POLR1D: variants seen among roughly 807,000 people sequenced by gnomAD.
POLR1D encodes DNA-directed RNA polymerases I and III subunit RPAC2.
POLR1D carries 8 observed loss-of-function variants against 10.8 expected under a neutral mutation model. That is an observed-to-expected ratio of 0.74 (90% CI 0.43 to 1.33). The LOEUF is 1.33. Ranked by LOEUF, POLR1D falls within the 40% of genes most tolerant of loss-of-function variation. The probability of loss-of-function intolerance (pLI) is 0.01; values close to 1 mark genes in which losing one functional copy is unlikely to be tolerated. For missense variants in POLR1D, 152 were observed against 161.7 expected (o/e 0.94, Z 0.32); for synonymous variants, 54 against 57.2 (o/e 0.94, Z 0.25).
At chr13:27,641,829 G>C (rs546488147) in intron 1 of POLR1D, among the ~76,000 whole-genome samples, 1 of 152,224 alleles carries the variant, frequency 6.6e-6, no homozygotes, top group East Asian at 1.9e-4. Context: ...TGGACAGAGG[G>C]CATAACCTGG....
At chr13:27,629,313 T>C (rs954059326) in intron 1 of POLR1D, among the ~76,000 whole-genome samples, 3 of 152,236 alleles carry the variant, frequency 2.0e-5, no homozygotes, top group African/African-American at 7.2e-5. Flanking sequence ...TTGATCTCTT[T>C]GTGCCTGAGT....
chr13:27,654,099 C>G (rs75081771), intron 2 of POLR1D, among the ~76,000 whole-genome samples: 3,101 of 152,224 alleles, frequency 0.02, 105 homozygotes, highest in African/African-American at 0.071. Flanking sequence ...TTGTAAATTG[C>G]GTGATTTTAG....
intron 1 of POLR1D, among the ~76,000 whole-genome samples, chr13:27,640,071 G>A (rs188632024): frequency 9.9e-5 from 15 of 152,156 alleles, no homozygotes; most frequent in Admixed American, 5.2e-4. Flanking sequence ...TCTATGAAAC[G>A]GTAGCTACAT....
Position 27,661,931 on chromosome 13 carries a change from C to T in POLR1D, c.102-3755C>T, listed in dbSNP as rs145564517. ...GTAGTATGTAGTAGCCTCTTGATCC[C>T]GGTGGCAATGGAGAATTGAGATAGC... is the stretch of plus-strand genomic sequence containing the variant. On this transcript the variant is annotated intron_variant, in intron 2 of 2. Coordinates refer to the POLR1D transcript ENST00000399697. Among the ~76,000 whole-genome samples the T allele has an allele frequency of 2.0e-5, 3 of 152,190 alleles. No homozygotes were observed. In the East Asian group the frequency reaches 5.8e-4, roughly 29 times the overall value.
chr13:27,644,997 T>C (rs1166961332), intron 1 of POLR1D, among the ~76,000 whole-genome samples: 1 of 152,212 alleles, frequency 6.6e-6, no homozygotes, highest in Admixed American at 6.5e-5. Context: ...GGGAAGTTGC[T>C]GACTTTCTCC....
At chr13:27,634,527 C>A (rs945582537) in intron 1 of POLR1D, among the ~76,000 whole-genome samples, 1 of 152,166 alleles carries the variant, frequency 6.6e-6, no homozygotes, top group Non-Finnish European at 1.5e-5. Flanking sequence ...GGTAGGAAAA[C>A]AAGTTTAATC....
intron 2 of POLR1D, chr13:27,650,017 A>G (rs1371943443): frequency 2.5e-6 from 1 of 398,340 alleles, no homozygotes; most frequent in Non-Finnish European, 4.4e-6. Context: ...CAATTAACTG[A>G]AATCTGTTAT....
At chr13:27,634,729 G>A (rs1016175381) in intron 1 of POLR1D, among the ~76,000 whole-genome samples, 1 of 147,900 alleles carries the variant, frequency 6.8e-6, no homozygotes, top group African/African-American at 2.5e-5. Context: ...AGGCTGGAGT[G>A]CAGTGGGGTG....
intron 1 of POLR1D, among the ~76,000 whole-genome samples, chr13:27,635,456 A>G (rs1267785639): frequency 6.6e-6 from 1 of 151,674 alleles, no homozygotes; most frequent in African/African-American, 2.4e-5. Context: ...CAGACAAGGC[A>G]GCCTCCCTAA....
intron 1 of POLR1D, among the ~76,000 whole-genome samples, chr13:27,631,199 C>T (rs1049836522): frequency 6.6e-6 from 1 of 152,194 alleles, no homozygotes; most frequent in African/African-American, 2.4e-5. Context: ...CTCAGGGTCT[C>T]TGACAAGGCT....
chr13:27,645,278 A>AT (rs1956209043), intron 1 of POLR1D, among the ~76,000 whole-genome samples: 2 of 151,660 alleles, frequency 1.3e-5, no homozygotes, highest in African/African-American at 4.8e-5. Context: ...CATTTAGTTT[A>AT]TTTTTTGCCT....
intron 2 of POLR1D, among the ~76,000 whole-genome samples, chr13:27,649,337 A>G (rs1270122578): frequency 6.6e-6 from 1 of 152,186 alleles, no homozygotes; most frequent in Non-Finnish European, 1.5e-5. Context: ...ATACCTAAAA[A>G]TCAAGCAAAA....
At chr13:27,654,612 A>T (rs1956293497) in intron 2 of POLR1D, among the ~76,000 whole-genome samples, 3 of 152,182 alleles carry the variant, frequency 2.0e-5, no homozygotes, top group Admixed American at 2.0e-4. Context: ...TCAGTCACAC[A>T]AGTACTTTTC....
chr13:27,650,296 G>T (rs1593289596), intron 2 of POLR1D: 1 of 375,558 alleles, frequency 2.7e-6, no homozygotes, highest in East Asian at 3.7e-5. Context: ...AATAGGCATG[G>T]AATATTGCCA....
downstream of POLR1D, among the ~76,000 whole-genome samples, chr13:27,625,481 T>C (rs1955999626): frequency 6.6e-6 from 1 of 152,076 alleles, no homozygotes; most frequent in Admixed American, 6.5e-5. Flanking sequence ...TGGGGCCAAT[T>C]ACTGAAATTG....
chr13:27,645,727 T>C (rs1956214203), intron 1 of POLR1D, among the ~76,000 whole-genome samples: 1 of 152,160 alleles, frequency 6.6e-6, no homozygotes, highest in Admixed American at 6.5e-5. Flanking sequence ...TCCCACCCAG[T>C]ATCTACTCCT....
intron 2 of POLR1D, among the ~76,000 whole-genome samples, chr13:27,659,674 G>A (rs1276750499): frequency 6.6e-6 from 1 of 152,110 alleles, no homozygotes; most frequent in East Asian, 1.9e-4. Flanking sequence ...ATGTGTTACT[G>A]TTAGAGCACA....
exon 3 of POLR1D, chr13:27,666,013 C>G (rs1297330296): frequency 2.0e-6 from 3 of 1,494,022 alleles, no homozygotes. Flanking sequence ...GTGCGGTGTG[C>G]GGAGAAGGCC....
intron 1 of POLR1D, chr13:27,648,097 AG>A (rs1158269469): frequency 1.5e-5 from 4 of 269,866 alleles, no homozygotes; most frequent in African/African-American, 6.7e-5. Context: ...CAAATTAATA[AG>A]AAAAGATAAT....
Sources: gnomAD v4.1 joint callset for allele counts (sites outside exome capture counted in the v4.1 genomes callset) on GRCh38, gnomAD v4.1.1 for gene constraint, MANE v1.5 for transcripts, NCBI Gene and HGNC (gene_info 2026-07-23, HGNC 2026-07-21) for gene names.